The following LY75 variants were observed in gnomAD, a reference collection of about 807,000 sequenced individuals.
LY75 encodes the protein C-type lectin domain family 13 member B.
LY75 carries 185 observed loss-of-function variants against 231.7 expected under a neutral mutation model. The observed-to-expected ratio is 0.80, with a 90% CI of 0.71 to 0.90. The LOEUF is 0.90. LY75 is among the 40% of genes least tolerant of loss of function. LY75 has a pLI of 0.00. For missense variants in LY75, 1,947 were observed against 2,050.2 expected, an observed-to-expected ratio of 0.95 and a Z score of 0.97; for synonymous variants, 668 against 689.0, an observed-to-expected ratio of 0.97 and a Z score of 0.48.
chr2:159,897,688 G>C (rs905967520), intron 2 of LY75, among the ~76,000 whole-genome samples: 1 of 152,150 alleles, frequency 6.6e-6, no homozygotes, highest in Non-Finnish European at 1.5e-5. Context: ...GTAAAGCTAG[G>C]GAAATTTGTA....
intron 16 of LY75, 98 bp downstream of exon 16, chr2:159,858,264 A>G (rs1684602201): frequency 6.9e-7 from 1 of 1,445,140 alleles, no homozygotes; most frequent in African/African-American, 1.4e-5. Flanking sequence ...GCTTTTAGAC[A>G]TCAGAATTAT....
chr2:159,851,969 T>C (rs1228796274), intron 21 of LY75, among the ~76,000 whole-genome samples: 2 of 152,210 alleles, frequency 1.3e-5, no homozygotes, highest in African/African-American at 4.8e-5. Context: ...TAAGTGTTAG[T>C]AGCAACAAAA....
At chr2:159,847,366 C>A (rs1346800338) in intron 23 of LY75, among the ~76,000 whole-genome samples, 81 of 152,062 alleles carry the variant, frequency 5.3e-4, no homozygotes, top group Non-Finnish European at 7.4e-5. Flanking sequence ...GGGTCTTGCT[C>A]TGTTGCCCAC....
chr2:159,806,330 C>T (rs552383798), intron 34 of LY75, among the ~76,000 whole-genome samples: 2 of 152,244 alleles, frequency 1.3e-5, no homozygotes, highest in African/African-American at 4.8e-5. Context: ...TGTGTGTATA[C>T]ATGGATACTG....
At chr2:159,812,960 G>A (rs1319330318) in intron 31 of LY75, among the ~76,000 whole-genome samples, 1 of 152,090 alleles carries the variant, frequency 6.6e-6, no homozygotes, top group East Asian at 1.9e-4. Flanking sequence ...TTGTCTTTTT[G>A]TGACTGGCTT....
rs371286090 is a variant in LY75, at chr2:159,854,648, T to C, written c.2420-113A>G. The C allele has an allele frequency of 5.3e-6, 7 of 1,319,940 alleles. No individual in the cohort carries two copies. The East Asian group carries it at 1.3e-4, about 24-fold the overall frequency. 81.8% of individuals were successfully genotyped at this position (1,319,940 alleles called of 1,614,324 possible). ...ATAGTAATTCAGATTACCGGCCCTC[T>C]CTGGCTGGGGCAGTACTGACTACAA... On this transcript the variant is annotated intron_variant, in intron 17 of 34. Coordinates refer to ENST00000263636, the MANE Select transcript of LY75 (RefSeq NM_002349.4).
intron 25 of LY75, 35 bp downstream of exon 25, chr2:159,840,694 T>G: frequency 6.2e-7 from 1 of 1,613,144 alleles, no homozygotes; most frequent in Non-Finnish European, 8.5e-7. Context: ...TCGCTTTCCA[T>G]CACCCAGTCC....
intron 16 of LY75, 94 bp downstream of exon 16, chr2:159,858,268 G>T (rs1684602326): frequency 1.4e-6 from 2 of 1,474,160 alleles, no homozygotes; most frequent in South Asian, 1.4e-5. Context: ...TTAGACATCA[G>T]AATTATAGAT....
At chr2:159,885,329 GA>G (rs755380673) in intron 5 of LY75, 36 bp from the exon 6 acceptor site, 1 of 1,598,842 alleles carries the variant, frequency 6.3e-7, no homozygotes, top group Non-Finnish European at 8.5e-7. Flanking sequence ...ATTAGAATGA[GA>G]AAGTTAGGGC....
chr2:159,882,740 T>C (rs1685472480), intron 6 of LY75, among the ~76,000 whole-genome samples: 1 of 152,190 alleles, frequency 6.6e-6, no homozygotes, highest in South Asian at 2.1e-4. Context: ...CCTCCTTTTC[T>C]TGTATGGCCA....
intron 22 of LY75, 39 bp downstream of exon 22, chr2:159,850,323 A>G: frequency 6.2e-7 from 1 of 1,608,932 alleles, no homozygotes; most frequent in South Asian, 1.1e-5. Flanking sequence ...ACCTGGCCCC[A>G]GATCAGAATA....
chr2:159,887,251 G>A (rs911863436), intron 4 of LY75, among the ~76,000 whole-genome samples: 18 of 55,432 alleles, frequency 3.2e-4, no homozygotes, highest in Non-Finnish European at 4.6e-4. Context: ...ACACACACAC[G>A]TGGTACAGTG....
intron 12 of LY75, 78 bp from the exon 13 acceptor site, chr2:159,872,671 C>A: frequency 1.3e-6 from 2 of 1,499,718 alleles, no homozygotes; most frequent in South Asian, 1.2e-5. Flanking sequence ...ATTACTGTCA[C>A]ATGTGTGGGC....
chr2:159,878,856 G>A (rs1685352778), intron 9 of LY75, 135 bp from the exon 10 acceptor site: 1 of 930,622 alleles, frequency 1.1e-6, no homozygotes, highest in African/African-American at 1.7e-5. Context: ...AATCATACAT[G>A]TGATGAGGGT....
intron 14 of LY75, among the ~76,000 whole-genome samples, chr2:159,861,120 G>A (rs1560086497): frequency 6.6e-6 from 1 of 152,172 alleles, no homozygotes; most frequent in Non-Finnish European, 1.5e-5. Flanking sequence ...GAAGTTAATA[G>A]TGTATTAAGT....
chr2:159,850,448 G>A lies in LY75; in HGVS notation c.2903C>T (p.Pro968Leu). The A allele has an allele frequency of 1.2e-6, 2 of 1,613,416 alleles. No individual in the cohort carries two copies. The highest frequency in any genetic ancestry group is 1.7e-6 in the Non-Finnish European group (2 of 1,179,622). The change falls in exon 22 of 35, where the codon CCC becomes CTC. Residue 968 changes from proline to leucine, a missense_variant. By Grantham distance (98) the Pro-to-Leu change is moderately conservative. Transcript: ENST00000263636. The part of the protein sequence containing the change: ...FQNKCFLKIK[P>L]VSLTFSQASD... ...TGCTTGAGAAAATGTGAGAGACACG[G>A]GTTTGATCTTTAGAAAACACTGCAA... is the stretch of plus-strand genomic sequence containing the variant.
chr2:159,810,665 C>T lies in LY75; in HGVS notation c.4560G>A (p.Leu1520=). ...ATCTTGATGAATATGTAAGACGGGACAGCTTTTTAGCTATAAAAATGTTAG... is the reference window on the plus strand; with the variant it reads ...ATCTTGATGAATATGTAAGACGGGATAGCTTTTTAGCTATAAAAATGTTAG... ...ICYKPTKSKK[L]SRLTYSSRCP... is the part of the protein sequence containing the mutation. The change falls in exon 32 of 35, where the codon CTG becomes CTA. Residue 1520 remains leucine, a synonymous_variant. Coordinates refer to ENST00000263636, the MANE Select transcript of LY75 (RefSeq NM_002349.4). The T allele has an allele frequency of 6.2e-7, 1 of 1,610,168 alleles. No homozygotes were observed. Among genetic ancestry groups the T allele is most frequent in the Non-Finnish European group, 8.5e-7 (1 of 1,178,978 alleles).
At chr2:159,839,584 C>T (rs983683522) in intron 25 of LY75, among the ~76,000 whole-genome samples, 1 of 151,500 alleles carries the variant, frequency 6.6e-6, no homozygotes, top group Non-Finnish European at 1.5e-5. Flanking sequence ...TCTTCTTAAA[C>T]TAGAGACTGG....
intron 28 of LY75, among the ~76,000 whole-genome samples, chr2:159,831,346 C>G (rs1204404974): frequency 6.6e-6 from 1 of 152,192 alleles, no homozygotes; most frequent in Non-Finnish European, 1.5e-5. Flanking sequence ...TGAGGCTGCC[C>G]AGCCATGCTT....
Sources: gnomAD v4.1 joint callset for allele counts (sites outside exome capture counted in the v4.1 genomes callset) on GRCh38, gnomAD v4.1.1 for gene constraint, MANE v1.5 for transcripts, NCBI Gene and HGNC (gene_info 2026-07-23, HGNC 2026-07-21) for gene names.